LTAP1: variants seen among roughly 807,000 people sequenced by gnomAD.
The protein encoded by LTAP1 is HCV NS5A-transactivated protein 4.
the LTAP1 span, among the ~76,000 whole-genome samples, chr1:154,216,133 G>A: frequency 2.0e-5 from 3 of 151,946 alleles, no homozygotes; most frequent in African/African-American, 7.3e-5. Context: ...CACCGCGCCC[G>A]GCCCTACCAC....
At chr1:154,220,064 G>A in the LTAP1 span, 1 of 911,912 alleles carries the variant, frequency 1.1e-6, no homozygotes, top group South Asian at 1.7e-5. Flanking sequence ...GGTAAAACTT[G>A]GGGCAAAGCA....
chr1:154,211,818 C>A, the LTAP1 span: 1 of 153,920 alleles, frequency 6.5e-6, no homozygotes. Flanking sequence ...CTAGTAAAAA[C>A]TTCTTTTACT....
chr1:154,219,329 C>T, the LTAP1 span, among the ~76,000 whole-genome samples: 39 of 152,290 alleles, frequency 2.6e-4, 1 homozygote, highest in South Asian at 8.1e-3. Flanking sequence ...AAAGTACAGA[C>T]AAAGATAAAA....
chr1:154,220,427 G>A, the LTAP1 span: 22 of 1,614,178 alleles, frequency 1.4e-5, no homozygotes, highest in Non-Finnish European at 1.9e-5. Flanking sequence ...ACCTCGCGCA[G>A]AATTGTTCGG....
chr1:154,212,570 A>C, the LTAP1 span: 3 of 1,614,222 alleles, frequency 1.9e-6, no homozygotes, highest in South Asian at 3.3e-5. Context: ...GTAGGAGCGG[A>C]AATTCTTGCC....
At chr1:154,213,841 C>A in the LTAP1 span, 3 of 1,482,220 alleles carry the variant, frequency 2.0e-6, no homozygotes, top group South Asian at 2.3e-5. Context: ...TTACTCTGTT[C>A]CCTAGGTGGG....
chr1:154,217,538 T>G, the LTAP1 span, among the ~76,000 whole-genome samples: 1 of 152,078 alleles, frequency 6.6e-6, no homozygotes, highest in African/African-American at 2.4e-5. Flanking sequence ...AGCATGGTTT[T>G]TTTGTTTTTG....
At chr1:154,218,856 A>G in the LTAP1 span, among the ~76,000 whole-genome samples, 1 of 152,244 alleles carries the variant, frequency 6.6e-6, no homozygotes, top group Non-Finnish European at 1.5e-5. Flanking sequence ...CTATGAAGGA[A>G]AAATCAGGGT....
chr1:154,215,091 T>C, the LTAP1 span, among the ~76,000 whole-genome samples: 1 of 151,948 alleles, frequency 6.6e-6, no homozygotes, highest in Non-Finnish European at 1.5e-5. Context: ...GTGATCCGCC[T>C]GCCTTGGCCT....
the LTAP1 span, among the ~76,000 whole-genome samples, chr1:154,215,965 G>A: frequency 6.6e-6 from 1 of 151,826 alleles, no homozygotes; most frequent in South Asian, 2.1e-4. Flanking sequence ...AGCCTCCCGA[G>A]TAGCTGGGAC....
chr1:154,209,382 C>A, the LTAP1 span, among the ~76,000 whole-genome samples: 1 of 150,450 alleles, frequency 6.6e-6, no homozygotes, highest in Admixed American at 6.7e-5. Flanking sequence ...ATGCCCTTTT[C>A]CAGCCTTTCT....
chr1:154,211,461 C>T, the LTAP1 span, among the ~76,000 whole-genome samples: 19 of 149,804 alleles, frequency 1.3e-4, no homozygotes, highest in African/African-American at 3.9e-4. Flanking sequence ...CTCAGCCACC[C>T]GAGTAGCTGA....
the LTAP1 span, among the ~76,000 whole-genome samples, chr1:154,216,668 C>A: frequency 2.6e-4 from 40 of 152,202 alleles, no homozygotes; most frequent in African/African-American, 9.2e-4. Flanking sequence ...GCGCATGCCA[C>A]CATGCCCAGC....
chr1:154,212,340 G>T, the LTAP1 span: 9 of 1,614,122 alleles, frequency 5.6e-6, 1 homozygote, highest in African/African-American at 4.0e-5. Context: ...GCTCACTCAG[G>T]GCCTCCTGAT....
the LTAP1 span, chr1:154,213,837 T>C: frequency 4.8e-6 from 7 of 1,450,078 alleles, no homozygotes; most frequent in Non-Finnish European, 6.7e-6. Flanking sequence ...TTCATTACTC[T>C]GTTCCCTAGG....
chr1:154,218,147 A>G, the LTAP1 span, among the ~76,000 whole-genome samples: 7 of 152,232 alleles, frequency 4.6e-5, no homozygotes, highest in African/African-American at 1.7e-4. Flanking sequence ...TTCAAATATT[A>G]TGAACAATGC....
At chr1:154,219,246 A>G in the LTAP1 span, among the ~76,000 whole-genome samples, 1 of 152,248 alleles carries the variant, frequency 6.6e-6, no homozygotes, top group East Asian at 1.9e-4. Flanking sequence ...GGAACTCAGG[A>G]AAGAGTTCTA....
the LTAP1 span, among the ~76,000 whole-genome samples, chr1:154,210,759 G>A: frequency 6.6e-6 from 1 of 152,156 alleles, no homozygotes; most frequent in African/African-American, 2.4e-5. Context: ...TTACAGGTGT[G>A]AGCCACTGCG....
At chr1:154,212,575 C>A in the LTAP1 span, 2 of 1,614,064 alleles carry the variant, frequency 1.2e-6, no homozygotes, top group South Asian at 2.2e-5. Flanking sequence ...AGCGGAAATT[C>A]TTGCCCATTA....
Sources: allele counts gnomAD v4.1 joint callset (sites outside exome capture counted in the v4.1 genomes callset), GRCh38; gene constraint gnomAD v4.1.1; transcripts MANE v1.5; gene names NCBI Gene and HGNC (gene_info 2026-07-23, HGNC 2026-07-21).